The following NKAIN2 variants were observed in gnomAD, a reference collection of about 807,000 sequenced individuals.
NKAIN2 encodes the protein sodium/potassium-transporting ATPase subunit beta-1-interacting protein 2.
In NKAIN2, 14 loss-of-function variants were observed where a neutral mutation model predicts 32.6. The observed-to-expected ratio is 0.43, with a 90% CI of 0.28 to 0.67. The LOEUF (loss-of-function observed/expected upper bound fraction) is 0.67, where lower values mean the gene tolerates loss of function less well. NKAIN2 is among the 30% of genes least tolerant of loss of function. The probability of loss-of-function intolerance (pLI) is 0.17; values close to 1 mark genes in which losing one functional copy is unlikely to be tolerated. For missense variants in NKAIN2, 198 were observed against 258.3 expected (o/e 0.77, Z 1.60); for synonymous variants, 80 against 87.2 (o/e 0.92, Z 0.46).
intron 3 of NKAIN2, among the ~76,000 whole-genome samples, chr6:124,649,581 G>C (rs1285406212): frequency 6.6e-6 from 1 of 152,168 alleles, no homozygotes; most frequent in African/African-American, 2.4e-5. Context: ...TCAGAAGATA[G>C]AAGCAGAGAC....
At chr6:124,540,348 C>T (rs1562245913) in intron 3 of NKAIN2, among the ~76,000 whole-genome samples, 1 of 152,204 alleles carries the variant, frequency 6.6e-6, no homozygotes, top group African/African-American at 2.4e-5. Flanking sequence ...TCTACATCAG[C>T]TGATTTGTAA....
chr6:124,190,373 A>G (rs1204190071), intron 1 of NKAIN2, among the ~76,000 whole-genome samples: 3 of 152,108 alleles, frequency 2.0e-5, no homozygotes, highest in Non-Finnish European at 2.9e-5. Flanking sequence ...AGAAATTCCA[A>G]CCTTGGCATC....
At chr6:124,459,651 T>C (rs529498157) in intron 3 of NKAIN2, among the ~76,000 whole-genome samples, 8 of 151,996 alleles carry the variant, frequency 5.3e-5, no homozygotes, top group African/African-American at 1.9e-4. Context: ...ATGTTGGAGT[T>C]GAATATCATA....
chr6:124,650,468 C>G (rs559174776), intron 3 of NKAIN2, among the ~76,000 whole-genome samples: 7 of 152,232 alleles, frequency 4.6e-5, no homozygotes, highest in Non-Finnish European at 5.9e-5. Context: ...TAACAAAATA[C>G]TACAGACTAA....
At chr6:124,714,632 C>T (rs550727470) in intron 4 of NKAIN2, among the ~76,000 whole-genome samples, 100 of 152,184 alleles carry the variant, frequency 6.6e-4, no homozygotes, top group Non-Finnish European at 1.3e-3. Context: ...AGAGAAGTTT[C>T]GCAGGCCGTC....
intron 1 of NKAIN2, among the ~76,000 whole-genome samples, chr6:124,138,873 A>T: frequency 6.6e-6 from 1 of 150,840 alleles, no homozygotes; most frequent in East Asian, 1.9e-4. Flanking sequence ...GAGCTAAGTT[A>T]TGAGGATGCA....
At chr6:124,010,131 G>A (rs1291680166) in intron 1 of NKAIN2, among the ~76,000 whole-genome samples, 8 of 152,106 alleles carry the variant, frequency 5.3e-5, no homozygotes, top group Admixed American at 4.6e-4. Context: ...TCTTTGGTGA[G>A]AGACAGACAT....
chr6:124,205,898 T>C (rs1582845540), intron 1 of NKAIN2, among the ~76,000 whole-genome samples: 1 of 151,876 alleles, frequency 6.6e-6, no homozygotes, highest in African/African-American at 2.4e-5. Flanking sequence ...AAACAACAGG[T>C]TTACTGTTAT....
At chr6:124,275,652 C>T (rs1033439280) in intron 1 of NKAIN2, among the ~76,000 whole-genome samples, 1 of 152,038 alleles carries the variant, frequency 6.6e-6, no homozygotes, top group Non-Finnish European at 1.5e-5. Flanking sequence ...TCAAGAAAGA[C>T]CCCCTCCAAA....
chr6:123,922,347 A>G (rs898803456), intron 1 of NKAIN2, among the ~76,000 whole-genome samples: 12 of 152,226 alleles, frequency 7.9e-5, no homozygotes, highest in African/African-American at 2.9e-4. Context: ...ATTAAGTTTC[A>G]TCTGTATGTG....
intron 1 of NKAIN2, among the ~76,000 whole-genome samples, chr6:124,168,204 G>A (rs945944239): frequency 1.3e-5 from 2 of 152,050 alleles, no homozygotes; most frequent in African/African-American, 4.8e-5. Flanking sequence ...TATTAGTATT[G>A]CTATATATGC....
rs1562469663 is a variant in NKAIN2, at chr6:124,283,118, ATATAGAC to A, written c.169_175del (p.Tyr57LeufsTer4). The A allele has an allele frequency of 6.2e-7, 1 of 1,609,788 alleles. No individual in the cohort carries two copies. Among genetic ancestry groups the A allele is most frequent in the Non-Finnish European group, 8.5e-7 (1 of 1,176,116 alleles). On this transcript the variant is annotated frameshift_variant, in exon 2 of 7. Coordinates refer to ENST00000368417, the MANE Select transcript of NKAIN2 (RefSeq NM_001040214.3). LOFTEE classifies it high-confidence loss of function. ...TTCTTGGTTTGTTTGGAACTATTCAATATAGACCTCGTTACATAACAGGAGTAAGTAC... is the reference window on the plus strand; with the variant it reads ...TTCTTGGTTTGTTTGGAACTATTCAACTCGTTACATAACAGGAGTAAGTAC...
chr6:123,915,110 T>C (rs1383301861), intron 1 of NKAIN2, among the ~76,000 whole-genome samples: 2 of 152,192 alleles, frequency 1.3e-5, no homozygotes, highest in Non-Finnish European at 2.9e-5. Context: ...TTAGGAGATA[T>C]AATTGGAGGT....
At position 124,126,967 on chromosome 6, in the gene NKAIN2, C is replaced by T. The variant is rs571275814; in HGVS notation, c.55-156038C>T. Among the ~76,000 whole-genome samples the T allele has an allele frequency of 3.8e-4, 57 of 151,906 alleles. 1 individual carries two copies. Among genetic ancestry groups the T allele is most frequent in the Non-Finnish European group, 6.0e-4 (41 of 67,982 alleles). The stretch of plus-strand genomic sequence containing the variant: ...CTGTCTCAAAAAACAACACAATAGA[C>T]GTGCTCCTGAGTTATTTTTAAAAAT... On this transcript the variant is annotated intron_variant, in intron 1 of 6. Transcript: ENST00000368417.
intron 1 of NKAIN2, among the ~76,000 whole-genome samples, chr6:123,845,185 A>C (rs1490025373): frequency 2.0e-5 from 3 of 152,174 alleles, no homozygotes; most frequent in Admixed American, 6.6e-5. Context: ...GTAGCTTGCT[A>C]CACTTCTGAA....
At chr6:124,257,279 T>A (rs1157507889) in intron 1 of NKAIN2, among the ~76,000 whole-genome samples, 1 of 152,134 alleles carries the variant, frequency 6.6e-6, no homozygotes, top group Non-Finnish European at 1.5e-5. Flanking sequence ...CATGCACCTT[T>A]GAAAATGCTC....
intron 1 of NKAIN2, among the ~76,000 whole-genome samples, chr6:124,242,571 T>C (rs910911409): frequency 6.6e-6 from 1 of 152,066 alleles, no homozygotes; most frequent in Admixed American, 6.6e-5. Flanking sequence ...TATAAATCAT[T>C]CTACTATAAA....
At chr6:124,009,730 G>A (rs1214837184) in intron 1 of NKAIN2, among the ~76,000 whole-genome samples, 1 of 152,082 alleles carries the variant, frequency 6.6e-6, no homozygotes, top group Non-Finnish European at 1.5e-5. Context: ...AAAATAAATA[G>A]GAACATTGTG....
chr6:124,237,095 A>G (rs981055537), intron 1 of NKAIN2, among the ~76,000 whole-genome samples: 2 of 152,186 alleles, frequency 1.3e-5, no homozygotes, highest in African/African-American at 4.8e-5. Context: ...GAGACATACT[A>G]TGGAAAGACA....
Sources: gnomAD v4.1 joint callset for allele counts (sites outside exome capture counted in the v4.1 genomes callset) on GRCh38, gnomAD v4.1.1 for gene constraint, MANE v1.5 for transcripts, NCBI Gene and HGNC (gene_info 2026-07-23, HGNC 2026-07-21) for gene names.